Variants in TP53BP1 observed in about 807,000 individuals in gnomAD.
TP53BP1 encodes the protein TP53-binding protein 1.
Under a neutral mutation model 200.8 loss-of-function variants are expected in TP53BP1, and 61 were observed. The ratio of observed to expected loss-of-function variants is 0.30; its 90% CI spans 0.25 to 0.38. The LOEUF (loss-of-function observed/expected upper bound fraction) is 0.38. Ranked by LOEUF, TP53BP1 falls within the 10% of genes least tolerant of loss-of-function variation. The probability of loss-of-function intolerance (pLI) is 1.00; values close to 1 mark genes in which losing one functional copy is unlikely to be tolerated. For missense variants in TP53BP1, 2,144 were observed against 2,371.9 expected, an observed-to-expected ratio of 0.90 and a Z score of 2.00; for synonymous variants, 822 against 844.3, an observed-to-expected ratio of 0.97 and a Z score of 0.46.
intron 16 of TP53BP1, among the ~76,000 whole-genome samples, chr15:43,435,812 T>C (rs777846462): frequency 1.3e-5 from 2 of 152,004 alleles, no homozygotes; most frequent in African/African-American, 2.4e-5. Context: ...TCTCATGCCT[T>C]AGCCTCCAGA....
At chr15:43,415,566 G>A in intron 23 of TP53BP1, 28 bp downstream of exon 23, 2 of 1,610,838 alleles carry the variant, frequency 1.2e-6, no homozygotes, top group South Asian at 1.1e-5. Context: ...TGGTCTGAAG[G>A]AAGAATGAGG....
At chr15:43,471,781 CAGATAAA>C (rs1305260211) in intron 10 of TP53BP1, among the ~76,000 whole-genome samples, 2 of 152,110 alleles carry the variant, frequency 1.3e-5, no homozygotes, top group East Asian at 1.9e-4. Context: ...GTTCACACTA[CAGATAAA>C]AGATAAAAGA....
chr15:43,428,191 T>G (rs1381153394), intron 17 of TP53BP1, 23 bp from the exon 18 acceptor site: 1 of 1,609,250 alleles, frequency 6.2e-7, no homozygotes, highest in East Asian at 2.2e-5. Context: ...ATACAGAACA[T>G]AAGCACAGGT....
chr15:43,453,193 C>CAAAAAAA (rs34555611), intron 12 of TP53BP1, among the ~76,000 whole-genome samples: 1 of 41,418 alleles, frequency 2.4e-5, no homozygotes, highest in African/African-American at 9.1e-5. Flanking sequence ...GACTCCGTCT[C>CAAAAAAA]AAAAAAAAAA....
intron 4 of TP53BP1, among the ~76,000 whole-genome samples, chr15:43,487,446 T>C (rs902075131): frequency 7.2e-5 from 11 of 152,148 alleles, no homozygotes; most frequent in African/African-American, 2.4e-5. Context: ...GACCCAGCAA[T>C]TGCAAATCTG....
intron 1 of TP53BP1, among the ~76,000 whole-genome samples, chr15:43,502,015 A>G (rs2079211696): frequency 6.6e-6 from 1 of 152,190 alleles, no homozygotes; most frequent in South Asian, 2.1e-4. Flanking sequence ...AACTGCCAAA[A>G]ACAGTTTTTG....
chr15:43,492,046 C>A lies in TP53BP1; in HGVS notation c.242G>T (p.Gly81Val). ...EQTAGEERGD[G>V]NSGFNEHLKE... is the part of the protein sequence containing the mutation. ...CAAATGTTCATTGAACCCACTATTACCGTCTCCTCGTTCTTCTCCAGCTGT... is the reference window on the plus strand; with the variant it reads ...CAAATGTTCATTGAACCCACTATTAACGTCTCCTCGTTCTTCTCCAGCTGT... The change falls in exon 3 of 28, where the codon GGT becomes GTT. Residue 81 changes from glycine (G) to valine (V), a missense_variant. Coordinates refer to ENST00000382044, the MANE Select transcript of TP53BP1 (RefSeq NM_001141980.3). 6.2e-7 allele frequency: 1 copy of A among 1,614,102 alleles called. No individual in the cohort carries two copies. Among genetic ancestry groups the A allele is most frequent in the African/African-American group, 1.3e-5 (1 of 75,042 alleles).
chr15:43,469,064 T>G (rs2046658284), intron 11 of TP53BP1, among the ~76,000 whole-genome samples: 1 of 152,158 alleles, frequency 6.6e-6, no homozygotes, highest in Non-Finnish European at 1.5e-5. Context: ...GTAAAATAAG[T>G]TGTCCCAATA....
Position 43,493,052 on chromosome 15 carries a change from G to A in TP53BP1, c.-9C>T. On this transcript the variant is annotated 5_prime_UTR_variant, in exon 1 of 28. Coordinates refer to ENST00000382044, the MANE Select transcript of TP53BP1 (RefSeq NM_001141980.3). ...CAAACAGTACCAGGCATCCCGGCGG[G>A]AGGTCCCTCGCGCTCGAGCTAGAGG... 6.2e-7 allele frequency: 1 copy of A among 1,613,140 alleles called. No homozygotes were observed. The highest frequency in any genetic ancestry group is 8.5e-7 in the Non-Finnish European group (1 of 1,179,676).
At position 43,406,609 on chromosome 15, in the gene TP53BP1, CTTG is replaced by C. The variant is rs2044897014; in HGVS notation, c.*771_*773del. The C allele has an allele frequency of 1.1e-5, 5 of 455,948 alleles. No individual in the cohort carries two copies. The highest frequency in any genetic ancestry group is 3.1e-5 in the South Asian group (2 of 64,548). The allele number at this position is 455,948 out of a possible 1,614,324, so 28.2% of individuals were successfully genotyped here. The stretch of plus-strand genomic sequence containing the variant: ...TCTTTGACCCTTTACAGAAAAAAAC[CTTG>C]TTGACCCCTGCTTTAGAGAATGAGA... On this transcript the variant is annotated 3_prime_UTR_variant, in exon 28 of 28. Coordinates refer to ENST00000382044, the MANE Select transcript of TP53BP1 (RefSeq NM_001141980.3).
At chr15:43,433,208 T>C (rs2045710904) in intron 16 of TP53BP1, among the ~76,000 whole-genome samples, 1 of 152,178 alleles carries the variant, frequency 6.6e-6, no homozygotes, top group South Asian at 2.1e-4. Flanking sequence ...TGTAGGTAGA[T>C]TCTAGTTTTG....
intron 1 of TP53BP1, among the ~76,000 whole-genome samples, 194 bp from the exon 2 acceptor site, chr15:43,492,662 A>G (rs2079143223): frequency 6.6e-6 from 1 of 151,964 alleles, no homozygotes; most frequent in Admixed American, 6.6e-5. Context: ...ATTCCTCGTT[A>G]TTTACAATAA....
Position 43,409,118 on chromosome 15 carries a change from C to T in TP53BP1, c.5401-22G>A, listed in dbSNP as rs974507984. The T allele has an allele frequency of 3.7e-6, 6 of 1,612,412 alleles. 1 individual carries two copies. Among genetic ancestry groups the T allele is most frequent in the Admixed American group, 3.3e-5 (2 of 59,910 alleles). On this transcript the variant is annotated intron_variant, in intron 25 of 27. Transcript: ENST00000382044. ...TACACTGCAAGAAAAGAAGCAGAGC[C>T]AATGGGTTTGGTGACTTCTGTGGAA... is the stretch of plus-strand genomic sequence containing the variant.
intron 15 of TP53BP1, among the ~76,000 whole-genome samples, chr15:43,439,373 T>C (rs1003968134): frequency 2.0e-5 from 3 of 152,134 alleles, no homozygotes; most frequent in Admixed American, 6.6e-5. Flanking sequence ...ACCCCATCTC[T>C]ACTAAAAACA....
chr15:43,504,125 C>G (rs569054844), intron 1 of TP53BP1, among the ~76,000 whole-genome samples: 2 of 152,188 alleles, frequency 1.3e-5, no homozygotes, highest in East Asian at 3.9e-4. Flanking sequence ...CTCCTCATCT[C>G]TACAAATCAA....
At chr15:43,408,850 T>TGCTGTCC (rs1413272030) in intron 26 of TP53BP1, 47 bp downstream of exon 26, 1 of 1,581,758 alleles carries the variant, frequency 6.3e-7, no homozygotes, top group Admixed American at 1.7e-5. Context: ...CTCCAAAGCT[T>TGCTGTCC]GCTGTCCTCC....
At chr15:43,434,339 A>G (rs2045741572) in intron 16 of TP53BP1, among the ~76,000 whole-genome samples, 1 of 152,252 alleles carries the variant, frequency 6.6e-6, no homozygotes, top group Non-Finnish European at 1.5e-5. Flanking sequence ...AAATATTCAT[A>G]TTTAAATCTT....
At chr15:43,479,091 A>G (rs554575365) in intron 7 of TP53BP1, among the ~76,000 whole-genome samples, 1 of 152,202 alleles carries the variant, frequency 6.6e-6, no homozygotes, top group South Asian at 2.1e-4. Flanking sequence ...TCTTTGTAGA[A>G]TGCCTAAAGA....
rs374968939 is a variant in TP53BP1, at chr15:43,407,343, C to A, written c.*40G>T. 5.3e-4 allele frequency: 834 copies of A among 1,586,522 alleles called. No individual in the cohort carries two copies. Among genetic ancestry groups the A allele is most frequent in the Non-Finnish European group, 6.8e-4 (787 of 1,157,660 alleles). On this transcript the variant is annotated 3_prime_UTR_variant, in exon 28 of 28. Coordinates refer to ENST00000382044, the MANE Select transcript of TP53BP1 (RefSeq NM_001141980.3). Reference sequence around the variant, plus strand: ...TTAAAACCTGGTTAAAACACAATCTCCACGATAGCAGGGAATAAAACCAGT... The same window carrying A: ...TTAAAACCTGGTTAAAACACAATCTACACGATAGCAGGGAATAAAACCAGT...
Sources: allele counts gnomAD v4.1 joint callset (sites outside exome capture counted in the v4.1 genomes callset), GRCh38; gene constraint gnomAD v4.1.1; transcripts MANE v1.5; gene names NCBI Gene and HGNC (gene_info 2026-07-23, HGNC 2026-07-21).